Variants in TMEM255B observed in about 807,000 individuals in gnomAD.
The protein encoded by TMEM255B is transmembrane protein 255B, also known as family with sequence similarity 70, member B.
TMEM255B carries 35 observed loss-of-function variants against 34.5 expected under a neutral mutation model. That is an observed-to-expected ratio of 1.01 (90% CI 0.77 to 1.34). The LOEUF (loss-of-function observed/expected upper bound fraction) is 1.34, where lower values mean the gene tolerates loss of function less well. Ranked by LOEUF, TMEM255B falls within the 40% of genes most tolerant of loss-of-function variation. The pLI, the probability that TMEM255B is intolerant of heterozygous loss-of-function variation, is 0.00. For missense variants in TMEM255B, 432 were observed against 433.2 expected (o/e 1.00, Z 0.02); for synonymous variants, 206 against 201.2 (o/e 1.02, Z -0.20).
intron 5 of TMEM255B, among the ~76,000 whole-genome samples, chr13:113,800,429 G>T (rs556805188): frequency 1.4e-4 from 21 of 151,968 alleles, no homozygotes; most frequent in African/African-American, 5.1e-4. Flanking sequence ...CTCAAGCCTG[G>T]GGGGAGAGCG....
At chr13:113,789,989 C>T (rs1336263676) in intron 3 of TMEM255B, among the ~76,000 whole-genome samples, 9 of 151,754 alleles carry the variant, frequency 5.9e-5, no homozygotes, top group East Asian at 1.9e-4. Context: ...TGACTGGGCA[C>T]GTGGACATCC....
In TMEM255B at chr13:113,789,824, G is replaced by A. The variant is rs887681965; in HGVS notation, c.253-5324G>A. 9.9e-5 allele frequency among the ~76,000 whole-genome samples: 15 copies of A among 151,536 alleles called. No individual in the cohort carries two copies. In the East Asian group the frequency reaches 1.4e-3, roughly 14 times the overall value. On this transcript the variant is annotated intron_variant, in intron 3 of 8. Transcript: ENST00000375353. Reference sequence around the variant, plus strand: ...TAGACATCCTAATGCTGAACTGACCGTGTACATGGACATCCTAGCCCTGGA... The same window carrying A: ...TAGACATCCTAATGCTGAACTGACCATGTACATGGACATCCTAGCCCTGGA...
intron 3 of TMEM255B, among the ~76,000 whole-genome samples, chr13:113,786,389 A>G (rs997183982): frequency 3.3e-5 from 5 of 151,930 alleles, no homozygotes; most frequent in African/African-American, 1.2e-4. Flanking sequence ...CACCGTCACC[A>G]TCGTCACCAT....
At chr13:113,788,772 C>T (rs1031024943) in intron 3 of TMEM255B, among the ~76,000 whole-genome samples, 2 of 152,102 alleles carry the variant, frequency 1.3e-5, no homozygotes, top group Non-Finnish European at 2.9e-5. Context: ...TCACCATCGC[C>T]GTCACCTCCT....
intron 4 of TMEM255B, among the ~76,000 whole-genome samples, chr13:113,798,717 G>A (rs981873412): frequency 6.6e-6 from 1 of 151,166 alleles, no homozygotes; most frequent in Non-Finnish European, 1.5e-5. Flanking sequence ...ATACATGGAT[G>A]GATGGATGGA....
chr13:113,801,562 C>A, intron 6 of TMEM255B, 91 bp from the exon 7 acceptor site: 2 of 1,423,898 alleles, frequency 1.4e-6, no homozygotes, highest in African/African-American at 1.4e-5. Context: ...CCTCCCCCAG[C>A]CCTGCAGGGC....
At chr13:113,810,010 C>T (rs1053764797) in intron 8 of TMEM255B, among the ~76,000 whole-genome samples, 3 of 152,150 alleles carry the variant, frequency 2.0e-5, no homozygotes, top group Non-Finnish European at 2.9e-5. Flanking sequence ...CATTGCAGTC[C>T]CTCTGAGGAA....
chr13:113,774,365 G>A (rs2050524994), intron 3 of TMEM255B, among the ~76,000 whole-genome samples: 1 of 152,168 alleles, frequency 6.6e-6, no homozygotes, highest in African/African-American at 2.4e-5. Context: ...CACCCAAACA[G>A]ACATATGAAT....
intron 1 of TMEM255B, 35 bp from the exon 2 acceptor site, chr13:113,766,080 C>CA: frequency 1.5e-5 from 24 of 1,611,618 alleles, no homozygotes; most frequent in Non-Finnish European, 2.0e-5. Flanking sequence ...TGAGCCTGAG[C>CA]CCTCACTGAC....
rs913362151 is a variant in TMEM255B, at chr13:113,806,999, C to A, written c.813+1971C>A. Reference sequence around the variant, plus strand: ...CTTCCATCCTCAACCTCAGCCGCTGCCCCTCAGGGCCCCAGAGGAGAGACA... The same window carrying A: ...CTTCCATCCTCAACCTCAGCCGCTGACCCTCAGGGCCCCAGAGGAGAGACA... On this transcript the variant is annotated intron_variant, in intron 8 of 8. Coordinates refer to ENST00000375353, the MANE Select transcript of TMEM255B (RefSeq NM_182614.4). The surrounding 1 kb of genome is among the most constrained non-coding windows in gnomAD (Gnocchi z 4.2). Among the ~76,000 whole-genome samples the A allele has an allele frequency of 6.6e-6, 1 of 152,206 alleles. No homozygotes were observed. The highest frequency in any genetic ancestry group is 1.5e-5 in the Non-Finnish European group (1 of 68,024).
At chr13:113,807,033 T>A (rs2051186050) in intron 8 of TMEM255B, among the ~76,000 whole-genome samples, 1 of 152,170 alleles carries the variant, frequency 6.6e-6, no homozygotes, top group Admixed American at 6.5e-5. Context: ...CAACACGTGG[T>A]TCCATCAGCC....
chr13:113,790,635 T>C (rs113450419), intron 3 of TMEM255B, among the ~76,000 whole-genome samples: 3 of 92,526 alleles, frequency 3.2e-5, no homozygotes, highest in Non-Finnish European at 6.6e-5. Flanking sequence ...GACACATGGA[T>C]ATCCTAGCTG....
At chr13:113,799,903 C>G in intron 5 of TMEM255B, 2 of 1,224,494 alleles carry the variant, frequency 1.6e-6, no homozygotes, top group South Asian at 2.5e-5. Flanking sequence ...TGACGGCGCT[C>G]TCTGTGTGTC....
At chr13:113,791,483 T>C (rs2050831201) in intron 3 of TMEM255B, among the ~76,000 whole-genome samples, 1 of 152,146 alleles carries the variant, frequency 6.6e-6, no homozygotes, top group East Asian at 1.9e-4. Flanking sequence ...CACACACCCC[T>C]CAGGGATCTG....
intron 3 of TMEM255B, 122 bp from the exon 4 acceptor site, chr13:113,795,026 G>A: frequency 1.2e-6 from 1 of 830,178 alleles, no homozygotes; most frequent in East Asian, 2.7e-5. Flanking sequence ...ACGAAAGGTA[G>A]AGGTGAGAAG....
chr13:113,790,989 G>C (rs1427430385), intron 3 of TMEM255B, among the ~76,000 whole-genome samples: 1 of 152,250 alleles, frequency 6.6e-6, no homozygotes. Context: ...GGTGGGAAGT[G>C]TTATGCATGA....
intron 3 of TMEM255B, among the ~76,000 whole-genome samples, chr13:113,794,343 C>T (rs1359751815): frequency 6.6e-6 from 1 of 152,146 alleles, no homozygotes; most frequent in East Asian, 1.9e-4. Flanking sequence ...CCCTGTGTAG[C>T]ACCATGTGCC....
rs68074448 is a variant in TMEM255B at position 113,812,853 on chromosome 13, GCA to G, written c.*951_*952del. On this transcript the variant is annotated 3_prime_UTR_variant, in exon 9 of 9. Transcript: ENST00000375353. ...GTCACAGGTCCCGGGTGGGTCACAG[GCA>G]TCCCGGGTGGGTCACAGGTCCCGAG... 6.7e-3 allele frequency: 777 copies of G among 116,302 alleles called. 10 individuals carry two copies. The highest frequency in any genetic ancestry group is 0.029 in the African/African-American group (711 of 24,368). 7.2% of individuals were successfully genotyped at this position (116,302 alleles called of 1,614,324 possible).
chr13:113,802,451 A>T (rs2051083006), intron 7 of TMEM255B, among the ~76,000 whole-genome samples: 1 of 152,130 alleles, frequency 6.6e-6, no homozygotes. Context: ...GCTGTAAGGG[A>T]TGGGCAGCCA....
Sources: allele counts gnomAD v4.1 joint callset (sites outside exome capture counted in the v4.1 genomes callset), GRCh38; gene constraint gnomAD v4.1.1; non-coding constraint Gnocchi (gnomAD v3.1); transcripts MANE v1.5; gene names NCBI Gene and HGNC (gene_info 2026-07-23, HGNC 2026-07-21).